The following SMPD3 variants were observed in gnomAD, a reference collection of about 807,000 sequenced individuals.
SMPD3 encodes the protein sphingomyelin phosphodiesterase 3, also known as nSMase-2.
Under a neutral mutation model 55.7 loss-of-function variants are expected in SMPD3, and 21 were observed. The ratio of observed to expected loss-of-function variants is 0.38; its 90% CI spans 0.27 to 0.54. The LOEUF (loss-of-function observed/expected upper bound fraction) is 0.54. Ranked by LOEUF, SMPD3 falls within the 20% of genes least tolerant of loss-of-function variation. The pLI is 0.80. For missense variants in SMPD3, 842 were observed against 899.6 expected (o/e 0.94, Z 0.82); for synonymous variants, 457 against 404.3 (o/e 1.13, Z -1.56).
At chr16:68,392,564 A>C (rs1162609064) in intron 1 of SMPD3, among the ~76,000 whole-genome samples, 4 of 152,166 alleles carry the variant, frequency 2.6e-5, no homozygotes, top group Non-Finnish European at 5.9e-5. Flanking sequence ...TAGCGTTCTT[A>C]TAAGAAGAGA....
chr16:68,398,236 G>T (rs2090176778), intron 1 of SMPD3, among the ~76,000 whole-genome samples: 1 of 152,222 alleles, frequency 6.6e-6, no homozygotes, highest in East Asian at 1.9e-4. Flanking sequence ...GAGCCAAAAA[G>T]AGCACTTGGG....
intron 1 of SMPD3, among the ~76,000 whole-genome samples, chr16:68,442,014 C>T (rs557814625): frequency 6.6e-6 from 1 of 152,268 alleles, no homozygotes; most frequent in South Asian, 2.1e-4. Context: ...AAGCCTCCTG[C>T]CTCAGCCTCC....
At chr16:68,396,665 T>C (rs1045085145) in intron 1 of SMPD3, among the ~76,000 whole-genome samples, 6 of 151,916 alleles carry the variant, frequency 3.9e-5, no homozygotes, top group Admixed American at 1.3e-4. Flanking sequence ...ATCAATAAAG[T>C]GATTTCTAGC....
intron 1 of SMPD3, among the ~76,000 whole-genome samples, chr16:68,412,784 A>G (rs898983264): frequency 5.9e-5 from 9 of 152,356 alleles, no homozygotes; most frequent in African/African-American, 2.2e-4. Context: ...AGTTATCAAG[A>G]CATTGTAAAA....
chr16:68,442,307 G>T (rs1478554012), intron 1 of SMPD3, among the ~76,000 whole-genome samples: 1 of 152,140 alleles, frequency 6.6e-6, no homozygotes, highest in African/African-American at 2.4e-5. Context: ...AGACATGATG[G>T]TTTATGATTA....
intron 1 of SMPD3, among the ~76,000 whole-genome samples, chr16:68,434,918 C>T (rs187166000): frequency 3.0e-4 from 45 of 152,242 alleles, no homozygotes; most frequent in African/African-American, 1.1e-3. Flanking sequence ...TTTGCTAGCT[C>T]CAGGAAGGGA....
chr16:68,402,553 G>A (rs1237917362), intron 1 of SMPD3, among the ~76,000 whole-genome samples: 1 of 152,156 alleles, frequency 6.6e-6, no homozygotes, highest in Non-Finnish European at 1.5e-5. Flanking sequence ...ATATAGCATG[G>A]TAGGCGCTGT....
intron 1 of SMPD3, among the ~76,000 whole-genome samples, chr16:68,426,068 C>A (rs1178550565): frequency 6.6e-6 from 1 of 152,158 alleles, no homozygotes; most frequent in African/African-American, 2.4e-5. Context: ...TAAGACACAA[C>A]AAAGGTGAAA....
intron 1 of SMPD3, among the ~76,000 whole-genome samples, chr16:68,411,767 A>G (rs895336854): frequency 1.3e-5 from 2 of 152,148 alleles, no homozygotes; most frequent in African/African-American, 4.8e-5. Flanking sequence ...TCTCTGCCTC[A>G]CCCTGGTAGC....
At chr16:68,429,351 G>A (rs183750896) in intron 1 of SMPD3, among the ~76,000 whole-genome samples, 156 of 152,352 alleles carry the variant, frequency 1.0e-3, no homozygotes, top group Non-Finnish European at 1.9e-3. Context: ...CTTGAGAAGG[G>A]TTGTTCTGAA....
chr16:68,401,123 G>A (rs550069692), intron 1 of SMPD3, among the ~76,000 whole-genome samples: 1 of 152,332 alleles, frequency 6.6e-6, no homozygotes, highest in East Asian at 1.9e-4. Flanking sequence ...GCCAGCATCC[G>A]TGAGTGTCAG....
intron 1 of SMPD3, among the ~76,000 whole-genome samples, chr16:68,428,483 T>C (rs2090454394): frequency 6.6e-6 from 1 of 152,166 alleles, no homozygotes; most frequent in African/African-American, 2.4e-5. Flanking sequence ...GGCAGCTTGC[T>C]CCAGAAGGGA....
At chr16:68,415,047 G>T (rs2090329232) in intron 1 of SMPD3, among the ~76,000 whole-genome samples, 1 of 152,176 alleles carries the variant, frequency 6.6e-6, no homozygotes. Context: ...AGATGCGCAG[G>T]TGACAACTAA....
chr16:68,435,488 T>C (rs2090515833), intron 1 of SMPD3, among the ~76,000 whole-genome samples: 1 of 152,180 alleles, frequency 6.6e-6, no homozygotes, highest in Non-Finnish European at 1.5e-5. Flanking sequence ...GGCATTTTTT[T>C]TTTCATTTAT....
In SMPD3 at chr16:68,433,822, T is replaced by C. The variant is rs1027282823; in HGVS notation, c.-269+14531A>G. Among the ~76,000 whole-genome samples the C allele has an allele frequency of 5.3e-5, 8 of 152,316 alleles. No homozygotes were observed. The South Asian group carries it at 8.3e-4, about 16-fold the overall frequency. ...ATATATGTTCTCAAATCTTGGAAATTCTAAACCCTATCTATGAGAATGAGT... is the reference window on the plus strand; with the variant it reads ...ATATATGTTCTCAAATCTTGGAAATCCTAAACCCTATCTATGAGAATGAGT... On this transcript the variant is annotated intron_variant, in intron 1 of 8. Transcript: ENST00000219334.
chr16:68,402,304 G>A (rs1056478077), intron 1 of SMPD3, among the ~76,000 whole-genome samples: 6 of 152,170 alleles, frequency 3.9e-5, no homozygotes, highest in Non-Finnish European at 8.8e-5. Context: ...GCCCTAGGAA[G>A]GGGGCTGCAT....
chr16:68,435,435 G>C (rs1028875581), intron 1 of SMPD3, among the ~76,000 whole-genome samples: 38 of 152,118 alleles, frequency 2.5e-4, no homozygotes, highest in African/African-American at 9.2e-4. Context: ...TCTCTACAGG[G>C]CAATTAGCAG....
chr16:68,394,768 T>G (rs928266190), intron 1 of SMPD3, among the ~76,000 whole-genome samples: 42 of 152,356 alleles, frequency 2.8e-4, no homozygotes, highest in African/African-American at 9.1e-4. Context: ...AGACTTTTTT[T>G]GCTTGTTTGT....
intron 1 of SMPD3, among the ~76,000 whole-genome samples, chr16:68,438,796 T>C (rs2090545112): frequency 6.6e-6 from 1 of 152,026 alleles, no homozygotes. Flanking sequence ...TCACCCTCCC[T>C]CCTTCAAAAT....
Sources: gnomAD v4.1 joint callset for allele counts (sites outside exome capture counted in the v4.1 genomes callset) on GRCh38, gnomAD v4.1.1 for gene constraint, MANE v1.5 for transcripts, NCBI Gene and HGNC (gene_info 2026-07-23, HGNC 2026-07-21) for gene names.